DNAH12: variants seen among roughly 807,000 people sequenced by gnomAD.
The protein encoded by DNAH12 is dynein axonemal heavy chain 12.
Under a neutral mutation model 371.5 loss-of-function variants are expected in DNAH12, and 285 were observed. That is an observed-to-expected ratio of 0.77 (90% CI 0.70 to 0.85). The LOEUF (loss-of-function observed/expected upper bound fraction) is 0.85. DNAH12 is among the 40% of genes least tolerant of loss of function. The pLI, the probability that DNAH12 is intolerant of heterozygous loss-of-function variation, is 0.00. For synonymous variants in DNAH12, 1,200 were observed against 1,213.0 expected, an observed-to-expected ratio of 0.99 and a Z score of 0.22; for missense variants, 3,611 against 3,689.4, an observed-to-expected ratio of 0.98 and a Z score of 0.55.
At chr3:57,355,527 A>C (rs1208855916) in intron 59 of DNAH12, among the ~76,000 whole-genome samples, 1 of 150,338 alleles carries the variant, frequency 6.7e-6, no homozygotes, top group Non-Finnish European at 1.5e-5. Context: ...GAACATATGC[A>C]ATCAATTCTT....
At chr3:57,549,074 G>C (rs550694611), upstream of DNAH12, 9 of 152,366 alleles carry the variant, frequency 5.9e-5, no homozygotes, top group African/African-American at 2.2e-4. Context: ...CATAATTCCA[G>C]GTACTCAGGA....
At chr3:57,415,005 G>T (rs1302296003) in intron 38 of DNAH12, among the ~76,000 whole-genome samples, 1 of 152,148 alleles carries the variant, frequency 6.6e-6, no homozygotes, top group African/African-American at 2.4e-5. Context: ...ACAGGCCCAT[G>T]GTTTGAAAGG....
intron 29 of DNAH12, among the ~76,000 whole-genome samples, chr3:57,442,684 A>T (rs1022918568): frequency 6.6e-6 from 1 of 152,230 alleles, no homozygotes; most frequent in Admixed American, 6.5e-5. Context: ...ATAAGAGTAC[A>T]TAAGAGTTCT....
rs146297080 is a variant in DNAH12, at chr3:57,488,755, G to A, written c.1514+754C>T. 1.4e-4 allele frequency among the ~76,000 whole-genome samples: 22 copies of A among 152,118 alleles called. No individual in the cohort carries two copies. The East Asian group carries it at 3.7e-3, about 25-fold the overall frequency. ...CTTTACAGAAGTTACAAGCTTTTTT[G>A]GGGACACACAGATAACAAATGAGTT... On this transcript the variant is annotated intron_variant, in intron 12 of 73. Coordinates refer to ENST00000495027, the MANE Select transcript of DNAH12 (RefSeq NM_001366028.2).
rs2063296446 is a variant in DNAH12 at position 57,377,128 on chromosome 3, T to C, written c.8318A>G (p.Glu2773Gly). ...LLNQKRAELA[E>G]VEHHLENLQM... ...TAAATTTTCCAGATGATGTTCTACTTCTGCCAGTTCTGCTCTCTTCTGATT... is the reference window on the plus strand; with the variant it reads ...TAAATTTTCCAGATGATGTTCTACTCCTGCCAGTTCTGCTCTCTTCTGATT... Residue 2773 changes from glutamate (E) to glycine (G), a missense_variant, in exon 53 of 74, where the codon GAA becomes GGA. Transcript: ENST00000495027. 1.3e-5 allele frequency: 2 copies of C among 152,196 alleles called. No individual in the cohort carries two copies. Among genetic ancestry groups the C allele is most frequent in the South Asian group, 4.1e-4 (2 of 4,830 alleles). 9.4% of individuals were successfully genotyped at this position (152,196 alleles called of 1,614,324 possible).
At chr3:57,510,616 G>A (rs1438167713) in intron 5 of DNAH12, among the ~76,000 whole-genome samples, 174 bp downstream of exon 5, 2 of 151,922 alleles carry the variant, frequency 1.3e-5, no homozygotes, top group Non-Finnish European at 2.9e-5. Context: ...CTCCAGCCTG[G>A]GCGACAGAGA....
chr3:57,339,100 C>T (rs2062322268), intron 60 of DNAH12, among the ~76,000 whole-genome samples: 1 of 152,192 alleles, frequency 6.6e-6, no homozygotes, highest in Non-Finnish European at 1.5e-5. Flanking sequence ...CTCTCTGAAA[C>T]ATGTGCTGTG....
chr3:57,302,557 A>G (rs28681362), intron 69 of DNAH12, among the ~76,000 whole-genome samples: 1,908 of 58,444 alleles, frequency 0.033, 135 homozygotes, highest in Non-Finnish European at 0.052. Flanking sequence ...ATATATATAT[A>G]TATATATGTA....
chr3:57,398,057 C>A (rs1368269525), intron 43 of DNAH12, among the ~76,000 whole-genome samples: 1 of 152,114 alleles, frequency 6.6e-6, no homozygotes, highest in East Asian at 1.9e-4. Flanking sequence ...ATCAGGAAAA[C>A]AATGCATGAA....
At chr3:57,357,849 G>C (rs919318783) in intron 58 of DNAH12, among the ~76,000 whole-genome samples, 15 of 152,132 alleles carry the variant, frequency 9.9e-5, no homozygotes, top group Non-Finnish European at 2.2e-4. Context: ...GGCAAAGTAG[G>C]TATTCAAAAC....
At chr3:57,322,905 GGGAGAC>G in intron 64 of DNAH12, 96 bp downstream of exon 64, 1 of 1,429,468 alleles carries the variant, frequency 7.0e-7, no homozygotes, top group South Asian at 1.5e-5. Flanking sequence ...ACTCCAGCCT[GGGAGAC>G]AGAGTAAGAC....
At chr3:57,391,343 AT>A (rs1437059025) in intron 45 of DNAH12, among the ~76,000 whole-genome samples, 55 of 151,886 alleles carry the variant, frequency 3.6e-4, no homozygotes, top group African/African-American at 1.2e-3. Context: ...CTAAGACATT[AT>A]TTTTTTTCCT....
At chr3:57,332,099 C>G (rs2153304653) in intron 62 of DNAH12, among the ~76,000 whole-genome samples, 1 of 152,310 alleles carries the variant, frequency 6.6e-6, no homozygotes. Flanking sequence ...CTGTGATAGT[C>G]TTGAACAAAG....
intron 60 of DNAH12, among the ~76,000 whole-genome samples, chr3:57,349,721 A>G (rs1197891452): frequency 6.6e-6 from 1 of 152,120 alleles, no homozygotes; most frequent in Non-Finnish European, 1.5e-5. Context: ...ACGGAGTCCC[A>G]CTCTGTAGCT....
At chr3:57,495,857 T>G (rs1274404601) in intron 11 of DNAH12, among the ~76,000 whole-genome samples, 2 of 143,858 alleles carry the variant, frequency 1.4e-5, no homozygotes, top group Non-Finnish European at 1.5e-5. Flanking sequence ...TGTATTTATA[T>G]ATTTTATAAA....
chr3:57,341,590 G>A (rs181630617), intron 60 of DNAH12, among the ~76,000 whole-genome samples: 256 of 152,108 alleles, frequency 1.7e-3, no homozygotes, highest in African/African-American at 5.9e-3. Context: ...AAAAAACAAT[G>A]ATTTTTTGAA....
Position 57,520,061 on chromosome 3 carries a change from CTGTG to C in DNAH12, c.279+3518_279+3521del, listed in dbSNP as rs2068358173. 3.7e-5 allele frequency: 20 copies of C among 536,958 alleles called. No individual in the cohort carries two copies. The South Asian group carries it at 3.9e-4, about 10-fold the overall frequency. The allele number at this position is 536,958 out of a possible 1,614,324, so 33.3% of individuals were successfully genotyped here. A position where few individuals can be genotyped will look rare whatever the true frequency, so the allele number is the denominator to read the frequency against. Reference sequence around the variant, plus strand: ...ACGTTGGGTTGGGGAAAGCCGGAGGCTGTGGCGGCTCTGTGGCTACAGCGTTACC... The same window carrying C: ...ACGTTGGGTTGGGGAAAGCCGGAGGCGCGGCTCTGTGGCTACAGCGTTACC... On this transcript the variant is annotated intron_variant, in intron 4 of 73. Transcript: ENST00000495027.
rs924431841 is a variant in DNAH12 at position 57,537,623 on chromosome 3, T to A, written c.170+5078A>T. On this transcript the variant is annotated intron_variant, in intron 2 of 73. Transcript: ENST00000495027. ...AAGTCCATGGCCACCCAGAAAGATA[T>A]GTTTGCAGTTTTTTTAAAAAACCTT... is the stretch of plus-strand genomic sequence containing the variant. Among the ~76,000 whole-genome samples, 5 of 152,096 alleles carry A rather than the reference T, an allele frequency of 3.3e-5. No homozygotes were observed. In the East Asian group the frequency reaches 9.6e-4, roughly 29 times the overall value.
intron 2 of DNAH12, among the ~76,000 whole-genome samples, chr3:57,541,303 G>T (rs1219713567): frequency 2.6e-5 from 4 of 152,064 alleles, no homozygotes; most frequent in Non-Finnish European, 4.4e-5. Context: ...GCCTCCCAAA[G>T]TGGTAGGATT....
Sources: gnomAD v4.1 joint callset for allele counts (sites outside exome capture counted in the v4.1 genomes callset) on GRCh38, gnomAD v4.1.1 for gene constraint, MANE v1.5 for transcripts, NCBI Gene and HGNC (gene_info 2026-07-23, HGNC 2026-07-21) for gene names.